The following ATP6V1C2 variants were observed in gnomAD, a reference collection of about 807,000 sequenced individuals.
The protein encoded by ATP6V1C2 is V-type proton ATPase subunit C 2.
Under a neutral mutation model 56.8 loss-of-function variants are expected in ATP6V1C2, and 45 were observed. The observed-to-expected ratio is 0.79, with a 90% CI of 0.62 to 1.02. The LOEUF is 1.02. ATP6V1C2 is among the 50% of genes least tolerant of loss of function. The pLI, the probability that ATP6V1C2 is intolerant of heterozygous loss-of-function variation, is 0.00. For missense variants in ATP6V1C2, 463 were observed against 519.7 expected (o/e 0.89, Z 1.06); for synonymous variants, 220 against 201.3 (o/e 1.09, Z -0.79).
chr2:10,770,780 CCCT>C (rs1337994472), intron 6 of ATP6V1C2, among the ~76,000 whole-genome samples: 2 of 152,226 alleles, frequency 1.3e-5, no homozygotes, highest in Non-Finnish European at 2.9e-5. Flanking sequence ...GTTTCTAACT[CCCT>C]CCTCTGCGCT....
intron 4 of ATP6V1C2, among the ~76,000 whole-genome samples, chr2:10,761,999 G>A (rs927857703): frequency 9.2e-5 from 14 of 152,262 alleles, no homozygotes; most frequent in African/African-American, 3.1e-4. Context: ...GAGGGGAGCC[G>A]TGGCCCTGCC....
In ATP6V1C2 at chr2:10,784,112, G is replaced by A. The variant is rs2148525202; in HGVS notation, c.*849G>A. On this transcript the variant is annotated 3_prime_UTR_variant, in exon 14 of 14. Coordinates refer to ENST00000272238, the MANE Select transcript of ATP6V1C2 (RefSeq NM_001039362.2). Reference sequence around the variant, plus strand: ...TGAGATGCAAAAGTTCACTGTTGCAGTGTTTTCAAATGACCAATCAAGTAC... The same window carrying A: ...TGAGATGCAAAAGTTCACTGTTGCAATGTTTTCAAATGACCAATCAAGTAC... 2.0e-6 allele frequency: 1 copy of A among 490,536 alleles called. No homozygotes were observed. Among genetic ancestry groups the A allele is most frequent in the South Asian group, 4.3e-5 (1 of 23,156 alleles). The allele number at this position is 490,536 out of a possible 1,614,324, so 30.4% of individuals were successfully genotyped here.
Position 10,774,044 on chromosome 2 carries a change from G to A in ATP6V1C2, c.639-744G>A, listed in dbSNP as rs146370132. Among the ~76,000 whole-genome samples, 328 of 152,354 alleles carry A rather than the reference G, an allele frequency of 2.2e-3. 2 individuals are homozygous for A. Among genetic ancestry groups the A allele is most frequent in the African/African-American group, 7.1e-3 (296 of 41,592 alleles). On this transcript the variant is annotated intron_variant, in intron 8 of 13. Coordinates refer to ENST00000272238, the MANE Select transcript of ATP6V1C2 (RefSeq NM_001039362.2). ...AGAGCCGGGGATCCTTGACAGGGCC[G>A]GCTGCCTTGGTAGGTGGCCTGGCCT...
chr2:10,761,568 C>T (rs1281406978), intron 4 of ATP6V1C2, among the ~76,000 whole-genome samples: 1 of 152,212 alleles, frequency 6.6e-6, no homozygotes, highest in Non-Finnish European at 1.5e-5. Context: ...TCAGCCTGGA[C>T]TGCTGTCACA....
intron 5 of ATP6V1C2, among the ~76,000 whole-genome samples, chr2:10,764,839 C>T (rs944704482): frequency 1.7e-4 from 26 of 152,036 alleles, no homozygotes; most frequent in African/African-American, 5.6e-4. Context: ...GGCGTGGTGG[C>T]GCACACCTGT....
chr2:10,758,656 C>CTT (rs771982046), intron 4 of ATP6V1C2, among the ~76,000 whole-genome samples: 1 of 146,202 alleles, frequency 6.8e-6, no homozygotes, highest in African/African-American at 2.5e-5. Flanking sequence ...CCAGAGAGAC[C>CTT]TTTTTTTTTT....
rs553151693 is a variant in ATP6V1C2, at chr2:10,726,035, G to A, written c.130-467G>A. 2.0e-5 allele frequency among the ~76,000 whole-genome samples: 3 copies of A among 152,164 alleles called. 1 individual carries two copies. The highest frequency in any genetic ancestry group is 4.2e-4 in the South Asian group (2 of 4,814). The stretch of plus-strand genomic sequence containing the variant: ...GCGGAGGTTGAGGTGAGCCGAGATC[G>A]TGCCATTTCACTCCAGCCTGGGCAA... On this transcript the variant is annotated intron_variant, in intron 2 of 13. Transcript: ENST00000272238.
At chr2:10,722,480 A>G (rs1430728181) in intron 1 of ATP6V1C2, among the ~76,000 whole-genome samples, 1 of 152,140 alleles carries the variant, frequency 6.6e-6, no homozygotes, top group Non-Finnish European at 1.5e-5. Context: ...TGGAAGGAAG[A>G]CAAATATTCC....
chr2:10,774,718 G>T (rs773215312), intron 8 of ATP6V1C2, 70 bp from the exon 9 acceptor site: 8 of 1,390,152 alleles, frequency 5.8e-6, no homozygotes, highest in Non-Finnish European at 7.1e-6. Flanking sequence ...ACCAGGCCCG[G>T]GGCCTCTGAG....
chr2:10,765,465 G>A (rs72777378), intron 5 of ATP6V1C2, among the ~76,000 whole-genome samples: 21,933 of 152,288 alleles, frequency 0.14, 1,748 homozygotes, highest in Non-Finnish European at 0.16. Context: ...AAAGGCACCC[G>A]GTTTTCTACT....
At chr2:10,734,170 A>G (rs1259005947) in intron 3 of ATP6V1C2, among the ~76,000 whole-genome samples, 3 of 152,004 alleles carry the variant, frequency 2.0e-5, no homozygotes, top group South Asian at 4.2e-4. Flanking sequence ...TGGCAGCCCT[A>G]CTGTGTGTGT....
At chr2:10,743,180 A>C (rs546028360) in intron 3 of ATP6V1C2, among the ~76,000 whole-genome samples, 1 of 151,956 alleles carries the variant, frequency 6.6e-6, no homozygotes, top group Admixed American at 6.6e-5. Flanking sequence ...GCAGTGATTC[A>C]ATCACTCCTC....
intron 3 of ATP6V1C2, among the ~76,000 whole-genome samples, chr2:10,740,113 G>A (rs1307986205): frequency 6.7e-6 from 1 of 149,648 alleles, no homozygotes; most frequent in African/African-American, 2.4e-5. Context: ...AGAAAAGAAA[G>A]TTGCATGCCC....
chr2:10,757,151 T>TA (rs905874447), intron 4 of ATP6V1C2, among the ~76,000 whole-genome samples: 4 of 151,978 alleles, frequency 2.6e-5, no homozygotes, highest in African/African-American at 7.2e-5. Context: ...TAGCTGGGAT[T>TA]ACAGGCACCC....
intron 4 of ATP6V1C2, among the ~76,000 whole-genome samples, chr2:10,758,063 AGTTT>A (rs1403448881): frequency 2.0e-5 from 3 of 152,218 alleles, no homozygotes; most frequent in African/African-American, 4.8e-5. Flanking sequence ...TCCCAAATGC[AGTTT>A]GTTTGTCACA....
At chr2:10,730,552 G>A (rs1338107335) in intron 3 of ATP6V1C2, among the ~76,000 whole-genome samples, 1 of 148,404 alleles carries the variant, frequency 6.7e-6, no homozygotes, top group African/African-American at 2.5e-5. Context: ...TGTATGGGAT[G>A]TTGGACTAAC....
At chr2:10,743,661 T>C (rs937471397) in intron 3 of ATP6V1C2, among the ~76,000 whole-genome samples, 1 of 151,044 alleles carries the variant, frequency 6.6e-6, no homozygotes, top group Non-Finnish European at 1.5e-5. Context: ...TTAGGCACCA[T>C]AGGGACGCCC....
chr2:10,783,176 A>T lies in ATP6V1C2; in HGVS notation c.1197A>T (p.Ala399=), dbSNP rs550919402. The T allele has an allele frequency of 6.2e-7, 1 of 1,611,672 alleles. No homozygotes were observed. Among genetic ancestry groups the T allele is most frequent in the South Asian group, 1.1e-5 (1 of 91,028 alleles). ...CATTACCATGTCTTCTTTTGTAGGCATCTGTGGAGATCCCGGGACTGCAAC... is the reference window on the plus strand; with the variant it reads ...CATTACCATGTCTTCTTTTGTAGGCTTCTGTGGAGATCCCGGGACTGCAAC... ...DEVAATSILD[A]SVEIPGLQLN... Residue 399 remains alanine (A), a splice_region_variant and synonymous_variant, in exon 14 of 14, where the codon GCA becomes GCT. Transcript: ENST00000272238.
intron 12 of ATP6V1C2, among the ~76,000 whole-genome samples, chr2:10,778,983 G>T (rs1020891458): frequency 2.0e-5 from 3 of 152,254 alleles, no homozygotes; most frequent in Non-Finnish European, 4.4e-5. Context: ...AGCCCGCAGG[G>T]CCCGAGTGGC....
Sources: gnomAD v4.1 joint callset for allele counts (sites outside exome capture counted in the v4.1 genomes callset) on GRCh38, gnomAD v4.1.1 for gene constraint, MANE v1.5 for transcripts, NCBI Gene and HGNC (gene_info 2026-07-23, HGNC 2026-07-21) for gene names.